ABCA13: variants seen among roughly 807,000 people sequenced by gnomAD.
The protein encoded by ABCA13 is ATP-binding cassette sub-family A member 13.
Under a neutral mutation model 478.7 loss-of-function variants are expected in ABCA13, and 476 were observed. The ratio of observed to expected loss-of-function variants is 0.99; its 90% CI spans 0.92 to 1.07. ABCA13 has a LOEUF of 1.07. Ranked by LOEUF, ABCA13 falls within the 50% of genes least tolerant of loss-of-function variation. The pLI, the probability that ABCA13 is intolerant of heterozygous loss-of-function variation, is 0.00. For synonymous variants in ABCA13, 2,252 were observed against 2,158.9 expected, an observed-to-expected ratio of 1.04 and a Z score of -1.20; for missense variants, 6,060 against 5,910.6, an observed-to-expected ratio of 1.03 and a Z score of -0.83.
chr7:48,352,142 C>T (rs1453365635), intron 30 of ABCA13, 39 bp from the exon 31 acceptor site: 1 of 1,566,768 alleles, frequency 6.4e-7, no homozygotes, highest in African/African-American at 1.4e-5. Flanking sequence ...CCACTCCCTA[C>T]AGTGTGGTAA....
intron 41 of ABCA13, among the ~76,000 whole-genome samples, chr7:48,417,140 G>C (rs1029700255): frequency 6.6e-6 from 1 of 152,118 alleles, no homozygotes; most frequent in South Asian, 2.1e-4. Context: ...GTACAAGTCC[G>C]AAGAACAGGA....
chr7:48,540,886 C>A (rs139240059), intron 55 of ABCA13, among the ~76,000 whole-genome samples: 2 of 152,166 alleles, frequency 1.3e-5, no homozygotes, highest in African/African-American at 4.8e-5. Context: ...TTTCTATTCT[C>A]TGTAGCTCTT....
chr7:48,403,286 G>A (rs1034369472), intron 38 of ABCA13, among the ~76,000 whole-genome samples: 1 of 152,218 alleles, frequency 6.6e-6, no homozygotes, highest in South Asian at 2.1e-4. Flanking sequence ...GTAGAGCTGG[G>A]CCTGCCTTGC....
At chr7:48,465,697 A>G (rs1008848402) in intron 43 of ABCA13, among the ~76,000 whole-genome samples, 1 of 152,096 alleles carries the variant, frequency 6.6e-6, no homozygotes, top group Non-Finnish European at 1.5e-5. Context: ...TACTTTGGGA[A>G]CATTTCAAAT....
At chr7:48,403,436 A>G (rs931126632) in intron 38 of ABCA13, among the ~76,000 whole-genome samples, 1 of 152,232 alleles carries the variant, frequency 6.6e-6, no homozygotes, top group Non-Finnish European at 1.5e-5. Context: ...AGCATTTCCA[A>G]GCACAATTCT....
At chr7:48,505,188 T>TC (rs1831093586) in intron 48 of ABCA13, among the ~76,000 whole-genome samples, 1 of 152,134 alleles carries the variant, frequency 6.6e-6, no homozygotes, top group African/African-American at 2.4e-5. Flanking sequence ...GAGCCGGAAC[T>TC]TGCCTTAGTA....
chr7:48,405,576 C>T (rs148876621), intron 39 of ABCA13, among the ~76,000 whole-genome samples: 17 of 152,290 alleles, frequency 1.1e-4, no homozygotes, highest in South Asian at 4.1e-4. Context: ...GGGACTGATG[C>T]GGAAGATCAA....
intron 13 of ABCA13, 55 bp from the exon 14 acceptor site, chr7:48,248,184 A>G: frequency 1.4e-6 from 2 of 1,458,702 alleles, no homozygotes; most frequent in Admixed American, 3.8e-5. Flanking sequence ...CGTCTCAAAT[A>G]CCCACATCTG....
intron 55 of ABCA13, among the ~76,000 whole-genome samples, chr7:48,553,283 G>A (rs1785494352): frequency 6.6e-6 from 1 of 152,074 alleles, no homozygotes; most frequent in Admixed American, 6.6e-5. Context: ...TGGGAGTGCA[G>A]ATATCCCTTT....
chr7:48,331,102 A>G (rs982811440), intron 27 of ABCA13, among the ~76,000 whole-genome samples: 1 of 152,258 alleles, frequency 6.6e-6, no homozygotes, highest in Non-Finnish European at 1.5e-5. Context: ...TATAACAAAA[A>G]ATAATGAATA....
intron 55 of ABCA13, among the ~76,000 whole-genome samples, chr7:48,575,536 G>A (rs147634733): frequency 2.6e-5 from 4 of 152,202 alleles, no homozygotes; most frequent in African/African-American, 7.2e-5. Context: ...TTAAATTAGC[G>A]CTGCCAGTGA....
At chr7:48,196,428 C>T (rs184418420) in intron 2 of ABCA13, among the ~76,000 whole-genome samples, 1 of 152,242 alleles carries the variant, frequency 6.6e-6, no homozygotes, top group Admixed American at 6.5e-5. Context: ...CTCCATCAAG[C>T]CCCCCATCAG....
chr7:48,585,911 G>T (rs950919292), intron 56 of ABCA13, among the ~76,000 whole-genome samples: 3 of 152,090 alleles, frequency 2.0e-5, no homozygotes, highest in African/African-American at 7.2e-5. Flanking sequence ...ACCCCAGGAA[G>T]AATTAATCCA....
chr7:48,335,561 G>T (rs767857421), intron 28 of ABCA13, 26 bp downstream of exon 28: 22 of 1,582,716 alleles, frequency 1.4e-5, no homozygotes, highest in Non-Finnish European at 1.8e-5. Flanking sequence ...TTGCCACCGA[G>T]GGATGGGGAG....
chr7:48,198,171 C>T (rs1206146539), intron 2 of ABCA13, 66 bp from the exon 3 acceptor site: 2 of 1,480,326 alleles, frequency 1.4e-6, no homozygotes, highest in East Asian at 2.3e-5. Flanking sequence ...ACAATTTCAA[C>T]TCAACAGGAA....
intron 48 of ABCA13, among the ~76,000 whole-genome samples, chr7:48,489,550 C>T (rs921099586): frequency 6.6e-6 from 1 of 152,148 alleles, no homozygotes; most frequent in Non-Finnish European, 1.5e-5. Context: ...TTTCTTGAAC[C>T]TGTAACCTCA....
At chr7:48,233,558 C>A (rs1789492442) in intron 7 of ABCA13, among the ~76,000 whole-genome samples, 1 of 152,090 alleles carries the variant, frequency 6.6e-6, no homozygotes, top group Admixed American at 6.5e-5. Flanking sequence ...GTTTTAAAGA[C>A]TCCATAGTAT....
chr7:48,576,307 C>T (rs897732474), intron 55 of ABCA13, among the ~76,000 whole-genome samples: 8 of 152,062 alleles, frequency 5.3e-5, no homozygotes, highest in South Asian at 4.2e-4. Flanking sequence ...GGAACACATC[C>T]GCTATAATCA....
intron 48 of ABCA13, among the ~76,000 whole-genome samples, chr7:48,490,279 A>G (rs900486332): frequency 1.3e-5 from 2 of 152,238 alleles, no homozygotes; most frequent in African/African-American, 2.4e-5. Context: ...CATTTCTAAC[A>G]TATTTGAAGT....
Sources: allele counts gnomAD v4.1 joint callset (sites outside exome capture counted in the v4.1 genomes callset), GRCh38; gene constraint gnomAD v4.1.1; transcripts MANE v1.5; gene names NCBI Gene and HGNC (gene_info 2026-07-23, HGNC 2026-07-21).